The following UGT1A9 variants were observed in gnomAD, a reference collection of about 807,000 sequenced individuals.
The protein encoded by UGT1A9 is UDP-glucuronosyltransferase 1A9.
In UGT1A9, 35 loss-of-function variants were observed where a neutral mutation model predicts 45.0. The ratio of observed to expected loss-of-function variants is 0.78; its 90% CI spans 0.59 to 1.03. The LOEUF (loss-of-function observed/expected upper bound fraction) is 1.03, where lower values mean the gene tolerates loss of function less well. UGT1A9 is among the 50% of genes least tolerant of loss of function. The pLI is 0.00. For synonymous variants in UGT1A9, 278 were observed against 250.6 expected (o/e 1.11, Z -1.03); for missense variants, 687 against 666.6 (o/e 1.03, Z -0.34).
rs375123865 is a variant in UGT1A9, at chr2:233,769,419, A to G, written c.1295+980A>G. ...TGCATATGTGCGTGTGCGTTTGTGC[A>G]TGTGGCTGTGCTCATGTGTGGGTGC... On this transcript the variant is annotated intron_variant, in intron 4 of 4. Transcript: ENST00000354728. The surrounding 1 kb of genome is among the most constrained non-coding windows in gnomAD (Gnocchi z 4.4). 1.9e-5 allele frequency: 27 copies of G among 1,449,888 alleles called. No individual in the cohort carries two copies. The highest frequency in any genetic ancestry group is 3.6e-4 in the Middle Eastern group (2 of 5,546). The allele number at this position is 1,449,888 out of a possible 1,614,324, so 89.8% of individuals were successfully genotyped here.
intron 1 of UGT1A9, chr2:233,719,110 C>T (rs2076727288): frequency 1.9e-6 from 3 of 1,614,270 alleles, no homozygotes; most frequent in Non-Finnish European, 2.5e-6. Context: ...CTGGGCTACA[C>T]TCAAGGGTTC....
In UGT1A9 at chr2:233,700,131, GCTGTTTGTCTCC is replaced by G. The variant is rs1446119494; in HGVS notation, c.855+27345_855+27356del. On this transcript the variant is annotated intron_variant, in intron 1 of 4. Coordinates refer to ENST00000354728, the MANE Select transcript of UGT1A9 (RefSeq NM_021027.3). ...CAAGGATCCTGTGCCCACCCTCTGA[GCTGTTTGTCTCC>G]CTATAGGGGTCTTTACAAGGAATGC... 7.9e-5 allele frequency among the ~76,000 whole-genome samples: 12 copies of G among 152,312 alleles called. No individual in the cohort carries two copies. In the East Asian group the frequency reaches 2.3e-3, roughly 29 times the overall value.
At chr2:233,709,578 A>G (rs2125616142) in intron 1 of UGT1A9, among the ~76,000 whole-genome samples, 1 of 152,336 alleles carries the variant, frequency 6.6e-6, no homozygotes, top group South Asian at 2.1e-4. Flanking sequence ...AAATTCAAAA[A>G]ATATACCAGG....
intron 1 of UGT1A9, chr2:233,747,857 C>A (rs1438723140): frequency 6.2e-7 from 1 of 1,613,396 alleles, no homozygotes; most frequent in Non-Finnish European, 8.5e-7. Context: ...AGAACATGCT[C>A]TACCCTCTGG....
intron 1 of UGT1A9, among the ~76,000 whole-genome samples, chr2:233,709,707 T>G (rs1363464719): frequency 6.6e-6 from 1 of 152,230 alleles, no homozygotes; most frequent in East Asian, 1.9e-4. Flanking sequence ...TGTTCTTTTT[T>G]AATTGAATGA....
chr2:233,687,664 A>G (rs1394370925), intron 1 of UGT1A9, among the ~76,000 whole-genome samples: 2 of 151,670 alleles, frequency 1.3e-5, no homozygotes, highest in Non-Finnish European at 2.9e-5. Flanking sequence ...GCACTTTAGG[A>G]GGCCAAGGCA....
chr2:233,709,769 A>G (rs1412530011), intron 1 of UGT1A9, among the ~76,000 whole-genome samples: 2 of 152,208 alleles, frequency 1.3e-5, no homozygotes, highest in African/African-American at 4.8e-5. Flanking sequence ...TATTATTTAC[A>G]TGCAATAAAG....
intron 1 of UGT1A9, among the ~76,000 whole-genome samples, chr2:233,753,816 G>A (rs1559398295): frequency 6.6e-6 from 1 of 152,164 alleles, no homozygotes; most frequent in Non-Finnish European, 1.5e-5. Flanking sequence ...GGAGAACCAC[G>A]TTAGGGCTGA....
At chr2:233,713,647 C>T (rs2076336191) in intron 1 of UGT1A9, 2 of 1,613,856 alleles carry the variant, frequency 1.2e-6, no homozygotes, top group African/African-American at 1.3e-5. Flanking sequence ...TACCCTCTGG[C>T]CCTGTCCTAC....
At chr2:233,764,109 T>C (rs1698482048) in intron 1 of UGT1A9, among the ~76,000 whole-genome samples, 2 of 152,214 alleles carry the variant, frequency 1.3e-5, no homozygotes, top group African/African-American at 2.4e-5. Flanking sequence ...TACAAAATTC[T>C]TGGTAAAGTT....
chr2:233,680,326 C>T (rs1013863860), intron 1 of UGT1A9, among the ~76,000 whole-genome samples: 13 of 152,100 alleles, frequency 8.5e-5, no homozygotes, highest in Admixed American at 1.3e-4. Flanking sequence ...AGAGAAGAAA[C>T]GCGCAGAGGG....
At chr2:233,709,460 A>G (rs1297952220) in intron 1 of UGT1A9, among the ~76,000 whole-genome samples, 3 of 152,134 alleles carry the variant, frequency 2.0e-5, no homozygotes, top group African/African-American at 7.2e-5. Context: ...TAAAGCAATC[A>G]TTTTGGGGCT....
At chr2:233,743,662 G>A (rs34622615) in intron 1 of UGT1A9, 13 of 1,367,072 alleles carry the variant, frequency 9.5e-6, no homozygotes, top group African/African-American at 1.5e-5. Context: ...ACTCGAAGGG[G>A]TCCTCGAAGG....
At chr2:233,710,412 T>C (rs946012708) in intron 1 of UGT1A9, among the ~76,000 whole-genome samples, 1 of 152,232 alleles carries the variant, frequency 6.6e-6, no homozygotes, top group African/African-American at 2.4e-5. Context: ...TGCTCTGTAT[T>C]TGTGCTAAGA....
At chr2:233,724,348 C>A (rs1263010840) in intron 1 of UGT1A9, among the ~76,000 whole-genome samples, 27 of 144,638 alleles carry the variant, frequency 1.9e-4, no homozygotes, top group Non-Finnish European at 2.3e-4. Context: ...TGACCCCCCC[C>A]ACCTCCCTCC....
At chr2:233,742,994 G>A in intron 1 of UGT1A9, 1 of 234,262 alleles carries the variant, frequency 4.3e-6, no homozygotes, top group South Asian at 6.0e-5. Flanking sequence ...ATAGCAAATT[G>A]CATACAGATA....
chr2:233,675,875 G>A (rs948812531), intron 1 of UGT1A9, among the ~76,000 whole-genome samples: 1 of 151,948 alleles, frequency 6.6e-6, no homozygotes, highest in African/African-American at 2.4e-5. Context: ...TTGTTACATA[G>A]CCACAATATC....
intron 1 of UGT1A9, among the ~76,000 whole-genome samples, chr2:233,763,257 T>A (rs187516962): frequency 6.6e-6 from 1 of 152,268 alleles, no homozygotes. Context: ...TAACCTGTTT[T>A]GTCTTGTTGC....
chr2:233,675,349 G>T (rs961203435), intron 1 of UGT1A9, among the ~76,000 whole-genome samples: 3 of 152,174 alleles, frequency 2.0e-5, no homozygotes, highest in Admixed American at 6.6e-5. Context: ...GCAGAACATT[G>T]AAATAGTTTT....
Sources: allele counts gnomAD v4.1 joint callset (sites outside exome capture counted in the v4.1 genomes callset), GRCh38; gene constraint gnomAD v4.1.1; non-coding constraint Gnocchi (gnomAD v3.1); transcripts MANE v1.5; gene names NCBI Gene and HGNC (gene_info 2026-07-23, HGNC 2026-07-21).